RHEB: variants seen among roughly 807,000 people sequenced by gnomAD.
RHEB encodes the protein GTP-binding protein Rheb.
RHEB carries 2 observed loss-of-function variants against 28.8 expected under a neutral mutation model. The observed-to-expected ratio is 0.07, with a 90% confidence interval of 0.03 to 0.22. The LOEUF (loss-of-function observed/expected upper bound fraction) is 0.22. Ranked by LOEUF, RHEB falls within the 10% of genes least tolerant of loss-of-function variation. RHEB has a pLI of 1.00. For synonymous variants in RHEB, 69 were observed against 77.3 expected, an observed-to-expected ratio of 0.89 and a Z score of 0.56; for missense variants, 76 against 219.9, an observed-to-expected ratio of 0.35 and a Z score of 4.14.
chr7:151,516,622 C>CAAAA (rs551863062), intron 1 of RHEB, among the ~76,000 whole-genome samples: 746 of 90,690 alleles, frequency 8.2e-3, no homozygotes, highest in Non-Finnish European at 9.2e-3. Context: ...GACTCTGTCA[C>CAAAA]AAAAAAAAAA....
rs1802106956 is a variant in RHEB at position 151,468,593 on chromosome 7, C to CA, written c.463-1383_463-1382insT. Among the ~76,000 whole-genome samples the CA allele has an allele frequency of 6.6e-6, 1 of 152,262 alleles. No homozygotes were observed. The highest frequency in any genetic ancestry group is 2.4e-5 in the African/African-American group (1 of 41,472). ...TCTCCTCAAATGTTCCCCGTGCTTA[C>CA]GCTCAGCTGAAAACCTTGTTTTACA... On this transcript the variant is annotated intron_variant, in intron 7 of 7. Transcript: ENST00000262187. The surrounding 1 kb of genome is among the most constrained non-coding windows in gnomAD (Gnocchi z 4.3).
chr7:151,470,553 G>A lies in RHEB; in HGVS notation c.462+18C>T. The A allele has an allele frequency of 1.3e-6, 2 of 1,570,814 alleles. No homozygotes were observed. The highest frequency in any genetic ancestry group is 2.2e-5 in the East Asian group (1 of 44,622). Reference sequence around the variant, plus strand: ...TGATGAGAACGCAATGCAAAATGAGGTTTATAGAATCTGTTACCTGATTTT... The same window carrying A: ...TGATGAGAACGCAATGCAAAATGAGATTTATAGAATCTGTTACCTGATTTT... On this transcript the variant is annotated intron_variant, in intron 7 of 7. Coordinates refer to ENST00000262187, the MANE Select transcript of RHEB (RefSeq NM_005614.4).
intron 1 of RHEB, among the ~76,000 whole-genome samples, chr7:151,515,266 T>C (rs1803058500): frequency 6.6e-6 from 1 of 152,188 alleles, no homozygotes; most frequent in South Asian, 2.1e-4. Context: ...TGTATGTTCT[T>C]ATTTATATGA....
At chr7:151,517,468 T>G (rs1456191693) in intron 1 of RHEB, among the ~76,000 whole-genome samples, 1 of 146,058 alleles carries the variant, frequency 6.8e-6, no homozygotes, top group South Asian at 2.2e-4. Flanking sequence ...TATGGAGAAG[T>G]GGGGTAGGTT....
At chr7:151,471,206 G>C (rs1461749123) in intron 6 of RHEB, among the ~76,000 whole-genome samples, 188 bp downstream of exon 6, 3 of 152,186 alleles carry the variant, frequency 2.0e-5, no homozygotes, top group Non-Finnish European at 4.4e-5. Context: ...TTCCTATAAA[G>C]TTTGCTCTCT....
intron 3 of RHEB, among the ~76,000 whole-genome samples, chr7:151,479,867 A>G (rs1451424891): frequency 6.6e-6 from 1 of 152,164 alleles, no homozygotes; most frequent in African/African-American, 2.4e-5. Context: ...CAACACGCAA[A>G]GACCAACCAC....
rs146890127 is a variant in RHEB, at chr7:151,516,407, G to A, written c.52+3053C>T. Among the ~76,000 whole-genome samples the A allele has an allele frequency of 8.7e-3, 1,320 of 151,924 alleles. 11 individuals carry two copies. Among genetic ancestry groups the A allele is most frequent in the African/African-American group, 0.03 (1,242 of 41,466 alleles). On this transcript the variant is annotated intron_variant, in intron 1 of 7. Coordinates refer to ENST00000262187, the MANE Select transcript of RHEB (RefSeq NM_005614.4). ...AGGGAGGCCGAGGCAGGTGGATCAC[G>A]AGGTCAGGAGTTCAAGACCATCCTG...
chr7:151,497,910 A>G (rs1163954920), intron 1 of RHEB, among the ~76,000 whole-genome samples: 1 of 152,186 alleles, frequency 6.6e-6, no homozygotes, highest in Admixed American at 6.5e-5. Flanking sequence ...GGTATCTCTG[A>G]AATATTTAAA....
intron 2 of RHEB, among the ~76,000 whole-genome samples, chr7:151,490,598 A>T (rs919595538): frequency 1.3e-5 from 2 of 152,218 alleles, no homozygotes; most frequent in African/African-American, 4.8e-5. Flanking sequence ...CATTCTTTCA[A>T]GCTTGGAATC....
intron 1 of RHEB, among the ~76,000 whole-genome samples, chr7:151,505,507 G>T (rs1802855802): frequency 6.6e-6 from 1 of 152,214 alleles, no homozygotes; most frequent in Non-Finnish European, 1.5e-5. Context: ...CCAAGTATCA[G>T]GGAGGATGGG....
intron 1 of RHEB, among the ~76,000 whole-genome samples, chr7:151,509,813 CATAA>C (rs1377213362): frequency 6.6e-6 from 1 of 152,144 alleles, no homozygotes; most frequent in Non-Finnish European, 1.5e-5. Flanking sequence ...GTGTTATATC[CATAA>C]ATAAAGTTTT....
chr7:151,487,951 C>T (rs1584855964), intron 2 of RHEB, among the ~76,000 whole-genome samples: 2 of 152,198 alleles, frequency 1.3e-5, no homozygotes, highest in East Asian at 1.9e-4. Context: ...GTGGTGAGGG[C>T]TCTTCATTCA....
At chr7:151,481,829 CTCTTG>C (rs1400879963) in intron 3 of RHEB, among the ~76,000 whole-genome samples, 6 of 152,334 alleles carry the variant, frequency 3.9e-5, no homozygotes, top group East Asian at 1.9e-4. Flanking sequence ...ATGACCACTG[CTCTTG>C]TCTTATCTCA....
chr7:151,513,714 C>T (rs868866028), intron 1 of RHEB, among the ~76,000 whole-genome samples: 1 of 152,120 alleles, frequency 6.6e-6, no homozygotes, highest in Non-Finnish European at 1.5e-5. Flanking sequence ...TATGAAGTTT[C>T]GGTATCAAAG....
chr7:151,493,849 A>C lies in RHEB; in HGVS notation c.53-2835T>G, dbSNP rs146073660. Among the ~76,000 whole-genome samples, 548 of 152,372 alleles carry C rather than the reference A, an allele frequency of 3.6e-3. 3 individuals are homozygous for C. Among genetic ancestry groups the C allele is most frequent in the Non-Finnish European group, 3.9e-3 (264 of 68,036 alleles). ...ACTTCAGGTAACAAAAATAGCAAGA[A>C]GAAAACTCCTCTCATGTTATTGAAA... is the stretch of plus-strand genomic sequence containing the variant. On this transcript the variant is annotated intron_variant, in intron 1 of 7. Transcript: ENST00000262187.
chr7:151,469,928 G>T (rs1389650197), intron 7 of RHEB, among the ~76,000 whole-genome samples: 2 of 151,950 alleles, frequency 1.3e-5, no homozygotes, highest in African/African-American at 4.8e-5. Context: ...AAAATTAAGG[G>T]CAGCAAAAAA....
intron 1 of RHEB, among the ~76,000 whole-genome samples, chr7:151,516,814 G>A (rs1803089997): frequency 6.6e-6 from 1 of 152,026 alleles, no homozygotes; most frequent in South Asian, 2.1e-4. Flanking sequence ...GGCTTTTTAT[G>A]TGGCTCTACC....
chr7:151,514,349 G>A (rs1160235935), intron 1 of RHEB, among the ~76,000 whole-genome samples: 1 of 152,120 alleles, frequency 6.6e-6, no homozygotes, highest in Non-Finnish European at 1.5e-5. Context: ...AAAAGCATAA[G>A]TGGCAGGAGA....
chr7:151,506,013 T>C lies in RHEB; in HGVS notation c.52+13447A>G, dbSNP rs150977496. ...AGGGCGTGAGGGACATGAGAGAACT[T>C]GTGGGGATGACGGAATGTTTCATAT... On this transcript the variant is annotated intron_variant, in intron 1 of 7. Coordinates refer to ENST00000262187, the MANE Select transcript of RHEB (RefSeq NM_005614.4). 1.8e-4 allele frequency among the ~76,000 whole-genome samples: 27 copies of C among 152,110 alleles called. No individual in the cohort carries two copies. The East Asian group carries it at 2.1e-3, about 12-fold the overall frequency.
Sources: allele counts gnomAD v4.1 joint callset (sites outside exome capture counted in the v4.1 genomes callset), GRCh38; gene constraint gnomAD v4.1.1; non-coding constraint Gnocchi (gnomAD v3.1); transcripts MANE v1.5; gene names NCBI Gene and HGNC (gene_info 2026-07-23, HGNC 2026-07-21).